Variants in UGT1A9 observed in about 807,000 individuals in gnomAD.
UGT1A9 encodes UDP glucuronosyltransferase family 1 member A9, also known as UDP-glucuronosyltransferase 1A9.
In UGT1A9, 35 loss-of-function variants were observed where a neutral mutation model predicts 45.0. The ratio of observed to expected loss-of-function variants is 0.78; its 90% CI spans 0.59 to 1.03. The LOEUF is 1.03. UGT1A9 is among the 50% of genes least tolerant of loss of function. The probability of loss-of-function intolerance (pLI) is 0.00; values close to 1 mark genes in which losing one functional copy is unlikely to be tolerated. For missense variants in UGT1A9, 687 were observed against 666.6 expected, an observed-to-expected ratio of 1.03 and a Z score of -0.34; for synonymous variants, 278 against 250.6, an observed-to-expected ratio of 1.11 and a Z score of -1.03.
In UGT1A9 at chr2:233,755,043, C is replaced by G. The variant is rs780933124; in HGVS notation, c.856-11991C>G. ...CTTGAAGGGCCTGCCGCCTGCGCAGCCGCCCTCCGCCCTCGCCTCGCCATA... is the reference window on the plus strand; with the variant it reads ...CTTGAAGGGCCTGCCGCCTGCGCAGGCGCCCTCCGCCCTCGCCTCGCCATA... On this transcript the variant is annotated intron_variant, in intron 1 of 4. Transcript: ENST00000354728. The G allele has an allele frequency of 9.8e-6, 13 of 1,323,836 alleles. No homozygotes were observed. In the South Asian group the frequency reaches 1.4e-4, roughly 14 times the overall value. The allele number at this position is 1,323,836 out of a possible 1,614,324, so 82.0% of individuals were successfully genotyped here. A position where few individuals can be genotyped will look rare whatever the true frequency, so the allele number is the denominator to read the frequency against.
At position 233,754,261 on chromosome 2, in the gene UGT1A9, G is replaced by T. The variant is rs28900390; in HGVS notation, c.856-12773G>T. 8.6e-3 allele frequency: 1,501 copies of T among 174,210 alleles called. 34 individuals carry two copies. The highest frequency in any genetic ancestry group is 0.033 in the African/African-American group (1,401 of 41,884). The allele number at this position is 174,210 out of a possible 1,614,324, so 10.8% of individuals were successfully genotyped here. A position where few individuals can be genotyped will look rare whatever the true frequency, so the allele number is the denominator to read the frequency against. The stretch of plus-strand genomic sequence containing the variant: ...ACACTTTCCCAACGGAAAAAGGTAA[G>T]GCTCAAAGTGCTGAGATGAACATTC... On this transcript the variant is annotated intron_variant, in intron 1 of 4. Coordinates refer to ENST00000354728, the MANE Select transcript of UGT1A9 (RefSeq NM_021027.3).
chr2:233,737,293 C>T (rs2078860261), intron 1 of UGT1A9, among the ~76,000 whole-genome samples: 1 of 152,250 alleles, frequency 6.6e-6, no homozygotes, highest in Non-Finnish European at 1.5e-5. Context: ...CAGGCTGCCG[C>T]CTCACAGTTC....
At chr2:233,690,208 T>C (rs181844455) in intron 1 of UGT1A9, among the ~76,000 whole-genome samples, 3 of 152,264 alleles carry the variant, frequency 2.0e-5, no homozygotes, top group African/African-American at 7.2e-5. Flanking sequence ...AAATTCAATG[T>C]TTGCCATTTT....
chr2:233,759,150 A>G (rs1697070072), intron 1 of UGT1A9, among the ~76,000 whole-genome samples: 1 of 152,238 alleles, frequency 6.6e-6, no homozygotes. Flanking sequence ...GGTGAGTTCC[A>G]CAGAACACAA....
chr2:233,725,049 TGGCGGCGCGCGCCTG>T (rs1559369977), intron 1 of UGT1A9, among the ~76,000 whole-genome samples: 1 of 147,424 alleles, frequency 6.8e-6, no homozygotes, highest in Non-Finnish European at 1.5e-5. Flanking sequence ...CAGTCAGGCG[TGGCGGCGCGCGCCTG>T]CAATCGCAGG....
intron 1 of UGT1A9, chr2:233,743,539 T>C (rs34135810): frequency 0.015 from 20,568 of 1,367,214 alleles, 228 homozygotes; most frequent in South Asian, 0.027. Context: ...GCAGTTCCTC[T>C]GACCCCCCCA....
chr2:233,702,350 T>A (rs764503296), intron 1 of UGT1A9, among the ~76,000 whole-genome samples: 41 of 151,378 alleles, frequency 2.7e-4, no homozygotes, highest in Non-Finnish European at 4.3e-4. Flanking sequence ...GTTCTAATAG[T>A]TTTTTTTTAG....
rs1559415650 is a variant in UGT1A9, at chr2:233,768,355, A to G, written c.1211A>G (p.Lys404Arg). ...GACAATGCAAAGCGCATGGAGACTA[A>G]GGGAGCTGGAGTGACCCTGAATGTT... is the stretch of plus-strand genomic sequence containing the variant. The part of the protein sequence containing the change: ...QMDNAKRMET[K>R]GAGVTLNVLE... The change falls in exon 4 of 5, where the codon AAG becomes AGG. Residue 404 changes from lysine to arginine, a missense_variant. Coordinates refer to ENST00000354728, the MANE Select transcript of UGT1A9 (RefSeq NM_021027.3). The G allele has an allele frequency of 6.2e-7, 1 of 1,614,200 alleles. No individual in the cohort carries two copies. The highest frequency in any genetic ancestry group is 1.1e-5 in the South Asian group (1 of 91,084).
At chr2:233,732,788 G>T (rs1197919428) in intron 1 of UGT1A9, among the ~76,000 whole-genome samples, 1 of 148,664 alleles carries the variant, frequency 6.7e-6, no homozygotes, top group Non-Finnish European at 1.5e-5. Context: ...GATTGTCTTG[G>T]CAATGCAGGC....
intron 1 of UGT1A9, among the ~76,000 whole-genome samples, chr2:233,732,820 C>G (rs1332712556): frequency 2.1e-5 from 3 of 141,934 alleles, no homozygotes; most frequent in Non-Finnish European, 4.5e-5. Context: ...TCCATATGAA[C>G]TTTAAAGTAG....
chr2:233,755,346 G>A (rs1313684064), intron 1 of UGT1A9: 3 of 411,522 alleles, frequency 7.3e-6, no homozygotes, highest in African/African-American at 6.3e-5. Context: ...CAGGTCAGAG[G>A]CTTGGCGACC....
intron 1 of UGT1A9, among the ~76,000 whole-genome samples, chr2:233,728,063 G>A (rs1347092156): frequency 6.6e-6 from 1 of 152,218 alleles, no homozygotes; most frequent in African/African-American, 2.4e-5. Flanking sequence ...TGAGGCCCTT[G>A]TGAGTGCTCA....
chr2:233,770,217 G>T (rs1322403541), intron 4 of UGT1A9: 1 of 152,188 alleles, frequency 6.6e-6, no homozygotes, highest in Admixed American at 6.5e-5. Flanking sequence ...AGCCATCCCT[G>T]TCTGATTGTG....
rs1700543708 is a variant in UGT1A9 at position 233,772,722 on chromosome 2, T to TA, written c.*164dup. On this transcript the variant is annotated 3_prime_UTR_variant, in exon 5 of 5. Transcript: ENST00000354728. ...AAAAAATTCTCTTAAATAAAAATAA[T>TA]AGACTCGCTAGTCAGTAAAGATATT... 1 of 1,454,026 alleles carries TA rather than the reference T, an allele frequency of 6.9e-7. No homozygotes were observed. The highest frequency in any genetic ancestry group is 9.0e-7 in the Non-Finnish European group (1 of 1,106,108). The allele number at this position is 1,454,026 out of a possible 1,614,324, so 90.1% of individuals were successfully genotyped here. A position where few individuals can be genotyped will look rare whatever the true frequency, so the allele number is the denominator to read the frequency against.
At chr2:233,766,701 C>T (rs1699231181) in intron 1 of UGT1A9, among the ~76,000 whole-genome samples, 1 of 152,122 alleles carries the variant, frequency 6.6e-6, no homozygotes, top group Admixed American at 6.5e-5. Flanking sequence ...ATGCCTTGCT[C>T]TGTGTTCTCT....
intron 1 of UGT1A9, chr2:233,717,714 T>C: frequency 2.2e-6 from 1 of 453,348 alleles, no homozygotes; most frequent in South Asian, 1.6e-5. Context: ...ACGAGCCTCA[T>C]GGGCATGAGA....
intron 1 of UGT1A9, chr2:233,747,121 A>G (rs1359670371): frequency 1.4e-6 from 2 of 1,477,058 alleles, no homozygotes; most frequent in African/African-American, 2.8e-5. Flanking sequence ...TGATTTGCTA[A>G]GTGGCTCAGT....
At chr2:233,740,151 C>T (rs534667918) in intron 1 of UGT1A9, among the ~76,000 whole-genome samples, 23 of 151,980 alleles carry the variant, frequency 1.5e-4, no homozygotes, top group South Asian at 1.2e-3. Context: ...TTCCTGAGGC[C>T]TCCCCAGTCA....
intron 1 of UGT1A9, among the ~76,000 whole-genome samples, chr2:233,699,092 C>CACCT (rs2075484389): frequency 6.6e-6 from 1 of 152,232 alleles, no homozygotes; most frequent in African/African-American, 2.4e-5. Context: ...TAGCCCTGTG[C>CACCT]ACCTCATCAC....
Sources: allele counts gnomAD v4.1 joint callset (sites outside exome capture counted in the v4.1 genomes callset), GRCh38; gene constraint gnomAD v4.1.1; transcripts MANE v1.5; gene names NCBI Gene and HGNC (gene_info 2026-07-23, HGNC 2026-07-21).